The following TEX11 variants were observed in gnomAD, a reference collection of about 807,000 sequenced individuals.
The protein encoded by TEX11 is testis-expressed protein 11.
TEX11 carries 7 observed loss-of-function variants against 84.4 expected under a neutral mutation model. The ratio of observed to expected loss-of-function variants is 0.08; its 90% CI spans 0.05 to 0.16. TEX11 has a LOEUF of 0.16. TEX11 is among the 10% of genes least tolerant of loss of function. The probability of loss-of-function intolerance (pLI) is 1.00; values close to 1 mark genes in which losing one functional copy is unlikely to be tolerated. For missense variants in TEX11, 551 were observed against 660.5 expected, an observed-to-expected ratio of 0.83 and a Z score of 1.82; for synonymous variants, 264 against 222.8, an observed-to-expected ratio of 1.18 and a Z score of -1.64.
intron 9 of TEX11, among the ~76,000 whole-genome samples, chrX:70,788,981 G>T (rs368133925): frequency 7.4e-3 from 292 of 39,645 alleles, no homozygotes; most frequent in African/African-American, 0.017. Flanking sequence ...TATAGAGAGA[G>T]AGAGAGAGAG....
intron 4 of TEX11, among the ~76,000 whole-genome samples, chrX:70,872,245 A>G (rs754012761): frequency 2.7e-4 from 30 of 112,297 alleles, no homozygotes; most frequent in African/African-American, 9.7e-4. Flanking sequence ...TCCTGGGAGC[A>G]ATGATATCAA....
intron 9 of TEX11, among the ~76,000 whole-genome samples, chrX:70,752,449 C>T (rs1469559453): frequency 1.7e-4 from 16 of 95,915 alleles, no homozygotes; most frequent in African/African-American, 5.9e-4. Flanking sequence ...TGCTTGAACC[C>T]GGGGGGCGGA....
intron 13 of TEX11, among the ~76,000 whole-genome samples, chrX:70,694,972 C>T (rs1390040337): frequency 1.8e-5 from 2 of 111,567 alleles, no homozygotes; most frequent in African/African-American, 6.5e-5. Flanking sequence ...CAAGAACAGC[C>T]CCAAGTTATT....
chrX:70,690,184 A>G (rs1190070454), intron 13 of TEX11, among the ~76,000 whole-genome samples: 1 of 111,864 alleles, frequency 8.9e-6, no homozygotes, highest in African/African-American at 3.2e-5. Flanking sequence ...CACAGGTAAG[A>G]TTCTGGAATA....
chrX:70,903,325 C>T (rs1457640619), intron 2 of TEX11, among the ~76,000 whole-genome samples: 1 of 111,010 alleles, frequency 9.0e-6, no homozygotes, highest in Non-Finnish European at 1.9e-5. Context: ...AATGTACGTG[C>T]TATAGTTTTA....
chrX:70,825,935 G>A (rs1486390348), intron 8 of TEX11, among the ~76,000 whole-genome samples: 3 of 110,989 alleles, frequency 2.7e-5, no homozygotes, highest in Non-Finnish European at 1.9e-5. Flanking sequence ...CTGAGATCGC[G>A]CCACTGCACT....
intron 13 of TEX11, among the ~76,000 whole-genome samples, chrX:70,710,054 T>C (rs2090412868): frequency 1.8e-5 from 2 of 111,143 alleles, no homozygotes; most frequent in South Asian, 7.5e-4. Context: ...CAAGATCCCT[T>C]TGTTTATTTG....
chrX:70,888,647 T>C (rs183744486), intron 2 of TEX11, among the ~76,000 whole-genome samples: 17 of 111,193 alleles, frequency 1.5e-4, no homozygotes, highest in African/African-American at 4.9e-4. Context: ...GAGAAAGACA[T>C]AGGGATAGAA....
chrX:70,757,959 G>C (rs776687245), intron 9 of TEX11, among the ~76,000 whole-genome samples: 1 of 111,418 alleles, frequency 9.0e-6, no homozygotes, highest in Non-Finnish European at 1.9e-5. Flanking sequence ...AGAAAAAAAA[G>C]CAGGGGTTGC....
intron 13 of TEX11, among the ~76,000 whole-genome samples, chrX:70,685,450 GA>G (rs2090180531): frequency 8.9e-6 from 1 of 111,780 alleles, no homozygotes; most frequent in East Asian, 2.8e-4. Context: ...CAAATCAACA[GA>G]AAGTGCATTA....
At chrX:70,584,745 A>G (rs2088830522) in intron 25 of TEX11, among the ~76,000 whole-genome samples, 1 of 112,492 alleles carries the variant, frequency 8.9e-6, no homozygotes, top group South Asian at 3.7e-4. Context: ...AACATAAGTA[A>G]ATCAATTAAT....
intron 13 of TEX11, among the ~76,000 whole-genome samples, chrX:70,700,031 C>T (rs1317035922): frequency 1.8e-5 from 2 of 111,555 alleles, no homozygotes; most frequent in Non-Finnish European, 1.9e-5. Context: ...AAGCAGGAAA[C>T]AGCATTGGTA....
chrX:70,726,100 A>G (rs1439293049), intron 11 of TEX11, among the ~76,000 whole-genome samples: 1 of 112,431 alleles, frequency 8.9e-6, no homozygotes, highest in Non-Finnish European at 1.9e-5. Context: ...GAAGTTGCCA[A>G]TTTTGATTTA....
At chrX:70,568,424 A>T (rs2088529162) in intron 25 of TEX11, among the ~76,000 whole-genome samples, 1 of 109,348 alleles carries the variant, frequency 9.1e-6, no homozygotes, top group Non-Finnish European at 1.9e-5. Context: ...TAATATTGTT[A>T]TGTGTGAATT....
intron 13 of TEX11, among the ~76,000 whole-genome samples, chrX:70,692,532 C>G (rs2090244742): frequency 9.0e-6 from 1 of 111,066 alleles, no homozygotes; most frequent in Non-Finnish European, 1.9e-5. Context: ...CAGTATTTGT[C>G]TTGTGACTAG....
chrX:70,808,402 C>T (rs1416751567), intron 8 of TEX11, among the ~76,000 whole-genome samples: 3 of 108,118 alleles, frequency 2.8e-5, no homozygotes, highest in African/African-American at 1.0e-4. Flanking sequence ...ACTTGGGTGG[C>T]TGAGGCAGGA....
intron 27 of TEX11, among the ~76,000 whole-genome samples, chrX:70,552,726 T>C (rs1569322034): frequency 8.9e-6 from 1 of 111,845 alleles, no homozygotes; most frequent in African/African-American, 3.2e-5. Context: ...AAGTCTCCAA[T>C]AGATAATATT....
At chrX:70,776,316 C>A (rs933242761) in intron 9 of TEX11, among the ~76,000 whole-genome samples, 5 of 110,868 alleles carry the variant, frequency 4.5e-5, no homozygotes, top group Non-Finnish European at 9.4e-5. Flanking sequence ...AATCCCAGCA[C>A]TTTGGGGGGC....
At chrX:70,532,251 G>A (rs907666635) in intron 28 of TEX11, among the ~76,000 whole-genome samples, 6 of 112,079 alleles carry the variant, frequency 5.4e-5, no homozygotes, top group South Asian at 3.7e-4. Flanking sequence ...ACATCTTGTG[G>A]GCTGGAGTGT....
Sources: allele counts gnomAD v4.1 joint callset (sites outside exome capture counted in the v4.1 genomes callset), GRCh38; gene constraint gnomAD v4.1.1; transcripts MANE v1.5; gene names NCBI Gene and HGNC (gene_info 2026-07-23, HGNC 2026-07-21).